SHISA6: variants seen among roughly 807,000 people sequenced by gnomAD.
SHISA6 encodes shisa family member 6.
SHISA6 carries 22 observed loss-of-function variants against 47.9 expected under a neutral mutation model. That is an observed-to-expected ratio of 0.46 (90% CI 0.33 to 0.66). The LOEUF (loss-of-function observed/expected upper bound fraction) is 0.66. Among genes scored for constraint, SHISA6 ranks in the 30% least tolerant of loss-of-function variants. SHISA6 has a pLI of 0.02. For synonymous variants in SHISA6, 388 were observed against 337.8 expected (o/e 1.15, Z -1.63); for missense variants, 680 against 764.6 (o/e 0.89, Z 1.30).
At chr17:11,321,670 G>C (rs533404704) in intron 2 of SHISA6, among the ~76,000 whole-genome samples, 6 of 151,946 alleles carry the variant, frequency 3.9e-5, no homozygotes, top group Non-Finnish European at 8.8e-5. Context: ...TGGTCCCTCC[G>C]TTTTTTGTTT....
At chr17:11,342,334 G>C (rs1911561358) in intron 2 of SHISA6, among the ~76,000 whole-genome samples, 1 of 152,116 alleles carries the variant, frequency 6.6e-6, no homozygotes, top group Non-Finnish European at 1.5e-5. Flanking sequence ...GACAACCTGA[G>C]GGGAGGTGGC....
intron 1 of SHISA6, among the ~76,000 whole-genome samples, chr17:11,249,355 G>T (rs988592304): frequency 6.6e-6 from 1 of 151,864 alleles, no homozygotes; most frequent in Admixed American, 6.6e-5. Context: ...TGATTTCAGG[G>T]TTATCTTCTG....
intron 2 of SHISA6, among the ~76,000 whole-genome samples, chr17:11,270,166 G>C (rs912665582): frequency 2.0e-5 from 3 of 152,162 alleles, no homozygotes; most frequent in African/African-American, 7.2e-5. Context: ...AATAGAGACA[G>C]GGTTTCACCA....
intron 2 of SHISA6, among the ~76,000 whole-genome samples, chr17:11,359,479 CCTCT>C (rs566025442): frequency 6.2e-4 from 95 of 152,196 alleles, no homozygotes; most frequent in African/African-American, 2.2e-3. Flanking sequence ...CCCTCTCTGG[CCTCT>C]CTCTCTGCAT....
chr17:11,369,201 C>A (rs181639612), intron 2 of SHISA6, among the ~76,000 whole-genome samples: 2 of 152,288 alleles, frequency 1.3e-5, no homozygotes, highest in East Asian at 3.9e-4. Context: ...AAGGAACTCC[C>A]AGCATAGAAA....
At chr17:11,499,683 C>CTTTTTTTTTTTTTTTTTTTTTTTTTT (rs372464937) in intron 3 of SHISA6, among the ~76,000 whole-genome samples, 3 of 127,564 alleles carry the variant, frequency 2.4e-5, no homozygotes, top group Non-Finnish European at 4.9e-5. Context: ...CTTTTTCTTT[C>CTTTTTTTTTTTTTTTTTTTTTTTTTT]TTTTTTTTTT....
At chr17:11,260,803 C>G (rs1195499450) in intron 1 of SHISA6, among the ~76,000 whole-genome samples, 1 of 152,016 alleles carries the variant, frequency 6.6e-6, no homozygotes, top group Non-Finnish European at 1.5e-5. Context: ...TTTCTCTCCT[C>G]TCTTTCTCTC....
At chr17:11,300,148 AC>A (rs1472196712) in intron 2 of SHISA6, among the ~76,000 whole-genome samples, 1,428 of 85,560 alleles carry the variant, frequency 0.017, 8 homozygotes, top group South Asian at 0.031. Flanking sequence ...CCATCTTAAA[AC>A]AAAAAAAAAA....
At chr17:11,482,671 T>C (rs1425279248) in intron 3 of SHISA6, among the ~76,000 whole-genome samples, 1 of 152,182 alleles carries the variant, frequency 6.6e-6, no homozygotes, top group African/African-American at 2.4e-5. Context: ...GCAAATATCA[T>C]GGTCCTTGGA....
chr17:11,388,577 T>C (rs1913267998), intron 3 of SHISA6, among the ~76,000 whole-genome samples: 1 of 151,762 alleles, frequency 6.6e-6, no homozygotes, highest in Admixed American at 6.6e-5. Flanking sequence ...TATTCAGTAG[T>C]GTTTCCCATG....
chr17:11,447,970 C>G (rs1915279612), intron 3 of SHISA6, among the ~76,000 whole-genome samples: 1 of 152,214 alleles, frequency 6.6e-6, no homozygotes, highest in East Asian at 1.9e-4. Context: ...TCGCCGCCAA[C>G]TGTGCATTCC....
intron 2 of SHISA6, among the ~76,000 whole-genome samples, chr17:11,291,228 A>ACCTCTGCCTCCTGGG (rs1414093161): frequency 6.6e-6 from 1 of 152,024 alleles, no homozygotes. Flanking sequence ...CATGCATATA[A>ACCTCTGCCTCCTGGG]TTAAAATAGA....
chr17:11,531,002 C>A (rs1187896018), intron 3 of SHISA6, among the ~76,000 whole-genome samples: 1 of 152,042 alleles, frequency 6.6e-6, no homozygotes, highest in African/African-American at 2.4e-5. Flanking sequence ...GATAGGATTC[C>A]CAGTGGACCA....
intron 1 of SHISA6, among the ~76,000 whole-genome samples, chr17:11,256,364 CAG>C (rs1908007213): frequency 3.9e-5 from 6 of 152,140 alleles, no homozygotes; most frequent in Non-Finnish European, 8.8e-5. Context: ...GGCGTGGTGA[CAG>C]GGGCCTTTAA....
At chr17:11,481,295 T>C (rs185095743) in intron 3 of SHISA6, among the ~76,000 whole-genome samples, 25 of 151,014 alleles carry the variant, frequency 1.7e-4, no homozygotes, top group Admixed American at 4.6e-4. Flanking sequence ...TATATATATA[T>C]ACACATATAA....
At chr17:11,485,731 A>G (rs1916332532) in intron 3 of SHISA6, among the ~76,000 whole-genome samples, 1 of 151,774 alleles carries the variant, frequency 6.6e-6, no homozygotes, top group Admixed American at 6.6e-5. Context: ...AAGGGGGAGA[A>G]AAATGGAGAG....
chr17:11,493,166 A>C (rs16944868), intron 3 of SHISA6, among the ~76,000 whole-genome samples: 25,021 of 152,198 alleles, frequency 0.16, 2,282 homozygotes, highest in East Asian at 0.32. Context: ...ACCTCCTGAC[A>C]ACTGTGACCA....
At chr17:11,453,592 C>T (rs1915458793) in intron 3 of SHISA6, among the ~76,000 whole-genome samples, 1 of 152,210 alleles carries the variant, frequency 6.6e-6, no homozygotes, top group Non-Finnish European at 1.5e-5. Context: ...TTATCCACTC[C>T]ATTAGTTTTC....
intron 3 of SHISA6, among the ~76,000 whole-genome samples, chr17:11,470,848 A>G (rs2908940): frequency 0.27 from 40,319 of 151,864 alleles, 5,380 homozygotes; most frequent in Admixed American, 0.3. Flanking sequence ...GGTTAGGGGG[A>G]CTAACAAGGG....
Sources: allele counts gnomAD v4.1 joint callset (sites outside exome capture counted in the v4.1 genomes callset), GRCh38; gene constraint gnomAD v4.1.1; transcripts MANE v1.5; gene names NCBI Gene and HGNC (gene_info 2026-07-23, HGNC 2026-07-21).